Variants in ST6GALNAC5 observed in about 807,000 individuals in gnomAD.
ST6GALNAC5 encodes the protein alpha-N-acetylgalactosaminide alpha-2,6-sialyltransferase 5.
In ST6GALNAC5, 27 loss-of-function variants were observed where a neutral mutation model predicts 33.6. The ratio of observed to expected loss-of-function variants is 0.80; its 90% CI spans 0.59 to 1.11. The LOEUF (loss-of-function observed/expected upper bound fraction) is 1.11. Among genes scored for constraint, ST6GALNAC5 ranks in the 50% least tolerant of loss-of-function variants. The pLI is 0.00. For synonymous variants in ST6GALNAC5, 194 were observed against 171.2 expected, an observed-to-expected ratio of 1.13 and a Z score of -1.04; for missense variants, 428 against 454.0, an observed-to-expected ratio of 0.94 and a Z score of 0.52.
At chr1:77,000,471 G>T (rs374205704) in intron 2 of ST6GALNAC5, among the ~76,000 whole-genome samples, 24,994 of 121,640 alleles carry the variant, frequency 0.21, 2,890 homozygotes, top group South Asian at 0.33. Context: ...AGTTTCTTTT[G>T]CTGTGCAGAA....
At chr1:77,001,901 A>C (rs935000117) in intron 2 of ST6GALNAC5, among the ~76,000 whole-genome samples, 2 of 152,014 alleles carry the variant, frequency 1.3e-5, no homozygotes, top group African/African-American at 4.8e-5. Flanking sequence ...CCAGTATTTT[A>C]TTGAGGATTT....
intron 3 of ST6GALNAC5, among the ~76,000 whole-genome samples, chr1:77,047,809 T>C (rs974097337): frequency 6.6e-6 from 1 of 152,244 alleles, no homozygotes; most frequent in African/African-American, 2.4e-5. Flanking sequence ...AATTGTAATT[T>C]AGTATGCACT....
intron 2 of ST6GALNAC5, among the ~76,000 whole-genome samples, chr1:76,900,483 A>G (rs1646807017): frequency 6.6e-6 from 1 of 152,202 alleles, no homozygotes; most frequent in Non-Finnish European, 1.5e-5. Context: ...TCTCAAAGAA[A>G]CATTTAATGT....
chr1:77,013,454 G>A (rs533377194), intron 2 of ST6GALNAC5, among the ~76,000 whole-genome samples: 9 of 152,262 alleles, frequency 5.9e-5, no homozygotes, highest in South Asian at 2.1e-4. Flanking sequence ...TTGATTTTAC[G>A]TATCGTCTTT....
At chr1:77,037,233 C>T (rs1285421374) in intron 2 of ST6GALNAC5, among the ~76,000 whole-genome samples, 4 of 152,162 alleles carry the variant, frequency 2.6e-5, no homozygotes, top group Non-Finnish European at 4.4e-5. Flanking sequence ...AAAATGAAAT[C>T]ATGTCCTTTG....
intron 2 of ST6GALNAC5, among the ~76,000 whole-genome samples, chr1:76,999,624 A>G (rs1348366214): frequency 1.5e-4 from 22 of 151,024 alleles, no homozygotes; most frequent in East Asian, 7.9e-4. Context: ...ATATCTCCCA[A>G]TGCTATCCCT....
At chr1:76,947,379 A>C (rs961742081) in intron 2 of ST6GALNAC5, among the ~76,000 whole-genome samples, 1 of 152,110 alleles carries the variant, frequency 6.6e-6, no homozygotes, top group Admixed American at 6.6e-5. Context: ...TATCATTCAA[A>C]CCACCTTAAA....
At chr1:76,987,369 C>T (rs1649551514) in intron 2 of ST6GALNAC5, among the ~76,000 whole-genome samples, 1 of 152,064 alleles carries the variant, frequency 6.6e-6, no homozygotes, top group African/African-American at 2.4e-5. Context: ...TAGGGAAATG[C>T]AAATCCAAAT....
At chr1:76,989,793 C>A (rs541348107) in intron 2 of ST6GALNAC5, among the ~76,000 whole-genome samples, 1 of 152,004 alleles carries the variant, frequency 6.6e-6, no homozygotes, top group Non-Finnish European at 1.5e-5. Context: ...CATTATAGTC[C>A]CATTAGGGTA....
At chr1:76,943,316 C>A (rs1647400978) in intron 2 of ST6GALNAC5, among the ~76,000 whole-genome samples, 1 of 152,098 alleles carries the variant, frequency 6.6e-6, no homozygotes. Context: ...ACAGTCTTTA[C>A]CATTATGCTA....
intron 2 of ST6GALNAC5, among the ~76,000 whole-genome samples, chr1:77,035,397 G>A (rs977370195): frequency 6.6e-6 from 1 of 152,168 alleles, no homozygotes; most frequent in Non-Finnish European, 1.5e-5. Flanking sequence ...ACTTAAGGGT[G>A]TTGTACAGAG....
At chr1:76,882,199 C>T (rs775374146) in intron 2 of ST6GALNAC5, among the ~76,000 whole-genome samples, 2 of 152,176 alleles carry the variant, frequency 1.3e-5, no homozygotes, top group Non-Finnish European at 2.9e-5. Flanking sequence ...AGAGACCACA[C>T]ATAATGCATG....
At chr1:76,998,214 G>C (rs1650010482) in intron 2 of ST6GALNAC5, among the ~76,000 whole-genome samples, 3 of 151,982 alleles carry the variant, frequency 2.0e-5, no homozygotes, top group African/African-American at 7.3e-5. Context: ...GTGGATCACT[G>C]CTGAAAACAT....
At chr1:76,949,477 G>T (rs1366074576) in intron 2 of ST6GALNAC5, among the ~76,000 whole-genome samples, 9 of 152,240 alleles carry the variant, frequency 5.9e-5, no homozygotes, top group African/African-American at 2.2e-4. Context: ...TTTAGACCCA[G>T]CTCTTCCACT....
chr1:76,875,999 G>T (rs1206728989), intron 2 of ST6GALNAC5, among the ~76,000 whole-genome samples: 1 of 152,194 alleles, frequency 6.6e-6, no homozygotes, highest in Non-Finnish European at 1.5e-5. Context: ...CAAGTGCCTT[G>T]GTCAGAGGCA....
intron 2 of ST6GALNAC5, among the ~76,000 whole-genome samples, chr1:76,933,778 A>G (rs1232362096): frequency 2.0e-5 from 3 of 151,330 alleles, no homozygotes; most frequent in Non-Finnish European, 4.4e-5. Flanking sequence ...AAAAAAAAAA[A>G]AAAAAAAGCC....
chr1:76,964,780 T>A (rs990454750), intron 2 of ST6GALNAC5, among the ~76,000 whole-genome samples: 2 of 151,984 alleles, frequency 1.3e-5, no homozygotes, highest in African/African-American at 4.8e-5. Context: ...ATGACAGGCC[T>A]CAGGGTGAGA....
At chr1:76,892,387 G>A (rs1654032833) in intron 2 of ST6GALNAC5, among the ~76,000 whole-genome samples, 3 of 151,912 alleles carry the variant, frequency 2.0e-5, no homozygotes, top group South Asian at 2.1e-4. Flanking sequence ...CTCCCCTTTA[G>A]TCACAGTGAT....
chr1:77,052,024 T>A (rs139335204), intron 4 of ST6GALNAC5, among the ~76,000 whole-genome samples: 1,754 of 152,318 alleles, frequency 0.012, 18 homozygotes, highest in Non-Finnish European at 0.016. Context: ...TCATGTACGG[T>A]AGGATCGAAA....
Sources: gnomAD v4.1 joint callset for allele counts (sites outside exome capture counted in the v4.1 genomes callset) on GRCh38, gnomAD v4.1.1 for gene constraint, MANE v1.5 for transcripts, NCBI Gene and HGNC (gene_info 2026-07-23, HGNC 2026-07-21) for gene names.